The following ANKS1B variants were observed in gnomAD, a reference collection of about 807,000 sequenced individuals.
ANKS1B encodes the protein ankyrin repeat and sterile alpha motif domain-containing protein 1B.
A neutral mutation model predicts 148.3 loss-of-function variants in ANKS1B; 36 were observed. That is an observed-to-expected ratio of 0.24 (90% CI 0.19 to 0.32). ANKS1B has a LOEUF of 0.32. Among genes scored for constraint, ANKS1B ranks in the 10% least tolerant of loss-of-function variants. The pLI is 1.00. For missense variants in ANKS1B, 1,157 were observed against 1,542.6 expected, an observed-to-expected ratio of 0.75 and a Z score of 4.19; for synonymous variants, 542 against 560.8, an observed-to-expected ratio of 0.97 and a Z score of 0.47.
chr12:98,910,551 T>A (rs1477236), intron 17 of ANKS1B, among the ~76,000 whole-genome samples: 15,909 of 152,240 alleles, frequency 0.1, 928 homozygotes, highest in Middle Eastern at 0.17. Flanking sequence ...ATGCAAAACT[T>A]ACTTTAATTA....
Position 99,246,285 on chromosome 12 carries a change from T to C in ANKS1B, c.2336A>G (p.Glu779Gly). The C allele has an allele frequency of 6.3e-7, 1 of 1,581,408 alleles. No homozygotes were observed. Among genetic ancestry groups the C allele is most frequent in the Non-Finnish European group, 8.6e-7 (1 of 1,163,432 alleles). The change falls in exon 13 of 27, where the codon GAA (glutamate) becomes GGA (glycine). Residue 779 changes from glutamate to glycine, a missense_variant. Coordinates refer to ENST00000683438, the MANE Select transcript of ANKS1B (RefSeq NM_001352186.2). ...NSERTPSFTS[E>G]WEEIDKIMSS... is the part of the protein sequence containing the mutation. The stretch of plus-strand genomic sequence containing the variant: ...AAGAACAAAGCTTACTTCTTCCCAT[T>C]CCGATGTGAAGGATGGTGTTCTTTC...
At chr12:99,736,477 C>A (rs2059627005) in intron 8 of ANKS1B, among the ~76,000 whole-genome samples, 1 of 151,224 alleles carries the variant, frequency 6.6e-6, no homozygotes, top group African/African-American at 2.4e-5. Context: ...AAAAAGAAAC[C>A]AAGAAGGCAA....
intron 9 of ANKS1B, among the ~76,000 whole-genome samples, chr12:99,609,009 G>T (rs760455708): frequency 7.9e-5 from 12 of 151,946 alleles, no homozygotes; most frequent in Non-Finnish European, 1.5e-4. Context: ...CACCAAAAAG[G>T]CCAATAAAGT....
intron 8 of ANKS1B, among the ~76,000 whole-genome samples, chr12:99,683,610 C>T (rs1316604273): frequency 6.6e-6 from 1 of 152,032 alleles, no homozygotes; most frequent in Non-Finnish European, 1.5e-5. Context: ...GGGAATCCTC[C>T]CTAAATCATT....
intron 2 of ANKS1B, among the ~76,000 whole-genome samples, chr12:99,819,382 G>C (rs1267751877): frequency 6.6e-6 from 1 of 151,742 alleles, no homozygotes; most frequent in Non-Finnish European, 1.5e-5. Context: ...CAACTTCAGA[G>C]ACCAGATTAT....
intron 17 of ANKS1B, among the ~76,000 whole-genome samples, chr12:98,961,454 T>A (rs909332667): frequency 3.3e-5 from 5 of 152,146 alleles, no homozygotes; most frequent in African/African-American, 1.2e-4. Context: ...AGGGATTTCA[T>A]CAACACCAGA....
At chr12:99,093,662 C>A (rs1325823059) in intron 15 of ANKS1B, 1 of 152,154 alleles carries the variant, frequency 6.6e-6, no homozygotes. Flanking sequence ...GGCTAAGGAG[C>A]CTGTGATGGT....
At chr12:99,767,095 T>TGA (rs762082530) in intron 8 of ANKS1B, among the ~76,000 whole-genome samples, 32 of 152,134 alleles carry the variant, frequency 2.1e-4, no homozygotes, top group Middle Eastern at 3.4e-3. Flanking sequence ...TAGCTTGGCA[T>TGA]TAAAAAAAAC....
chr12:99,294,828 T>G (rs761875844), intron 12 of ANKS1B, among the ~76,000 whole-genome samples: 1 of 152,172 alleles, frequency 6.6e-6, no homozygotes, highest in Non-Finnish European at 1.5e-5. Context: ...TAATTTTGTA[T>G]TTTTAGTAGA....
intron 10 of ANKS1B, among the ~76,000 whole-genome samples, chr12:99,467,885 T>C (rs898863629): frequency 1.3e-5 from 2 of 152,210 alleles, no homozygotes; most frequent in Admixed American, 6.5e-5. Context: ...ATAGATTCAA[T>C]GCCATCCCCA....
At chr12:99,635,506 G>C (rs919721078) in intron 9 of ANKS1B, among the ~76,000 whole-genome samples, 18 of 152,110 alleles carry the variant, frequency 1.2e-4, no homozygotes, top group African/African-American at 4.1e-4. Flanking sequence ...GTCACAAAAA[G>C]ATAAATATTG....
chr12:99,602,444 G>T (rs1408447314), intron 9 of ANKS1B, among the ~76,000 whole-genome samples: 2 of 152,032 alleles, frequency 1.3e-5, no homozygotes, highest in Non-Finnish European at 2.9e-5. Flanking sequence ...GAAAACAAAA[G>T]GTAATGTTTG....
intron 17 of ANKS1B, among the ~76,000 whole-genome samples, chr12:98,850,434 T>C (rs1349533238): frequency 6.6e-6 from 1 of 150,864 alleles, no homozygotes; most frequent in African/African-American, 2.4e-5. Context: ...CAAAATGTAG[T>C]TGATGGAGAC....
In ANKS1B at chr12:98,871,235, T is replaced by C. The variant is rs576157088; in HGVS notation, c.2779-39099A>G. ...TCCCATTATGGCAAGACATTATTAC[T>C]TTCTGCTCACATAAATACTATCATC... is the stretch of plus-strand genomic sequence containing the variant. On this transcript the variant is annotated intron_variant, in intron 17 of 26. Transcript: ENST00000683438. Among the ~76,000 whole-genome samples, 3 of 152,348 alleles carry C rather than the reference T, an allele frequency of 2.0e-5. No individual in the cohort carries two copies. The East Asian group carries it at 5.8e-4, about 29-fold the overall frequency.
Position 99,279,083 on chromosome 12 carries a change from G to T in ANKS1B, c.1757-32219C>A, listed in dbSNP as rs544387951. 4.6e-5 allele frequency among the ~76,000 whole-genome samples: 7 copies of T among 152,144 alleles called. No homozygotes were observed. In the East Asian group the frequency reaches 1.2e-3, roughly 25 times the overall value. ...GAAATGGTGTAGGCCCTCACCACAT[G>T]CCCATTCACTGACTCGTTGACTCAC... On this transcript the variant is annotated intron_variant, in intron 12 of 26. Transcript: ENST00000683438.
chr12:99,678,809 C>T (rs2153479547), intron 8 of ANKS1B, among the ~76,000 whole-genome samples: 1 of 152,036 alleles, frequency 6.6e-6, no homozygotes, highest in South Asian at 2.1e-4. Flanking sequence ...ATATGAATGC[C>T]CATTAATATG....
intron 12 of ANKS1B, among the ~76,000 whole-genome samples, chr12:99,323,406 G>C (rs2085692916): frequency 6.6e-6 from 1 of 152,166 alleles, no homozygotes; most frequent in African/African-American, 2.4e-5. Context: ...TTAATGGTCA[G>C]TGATTTTCAT....
chr12:99,186,982 G>C (rs1487132614), intron 14 of ANKS1B, among the ~76,000 whole-genome samples: 2 of 150,732 alleles, frequency 1.3e-5, no homozygotes, highest in African/African-American at 2.4e-5. Context: ...CCAGTTTAGA[G>C]AAGAACATAA....
At chr12:99,795,554 T>C (rs1389758290) in intron 4 of ANKS1B, among the ~76,000 whole-genome samples, 1 of 151,964 alleles carries the variant, frequency 6.6e-6, no homozygotes, top group African/African-American at 2.4e-5. Context: ...GAAGTAATGA[T>C]AAATAAAGAG....
Sources: allele counts gnomAD v4.1 joint callset (sites outside exome capture counted in the v4.1 genomes callset), GRCh38; gene constraint gnomAD v4.1.1; transcripts MANE v1.5; gene names NCBI Gene and HGNC (gene_info 2026-07-23, HGNC 2026-07-21).